GPR39: variants seen among roughly 807,000 people sequenced by gnomAD.
The protein encoded by GPR39 is zinc sensing receptor.
A neutral mutation model predicts 18.4 loss-of-function variants in GPR39; 23 were observed. That is an observed-to-expected ratio of 1.25 (90% CI 0.90 to 1.77). The LOEUF is 1.77. Ranked by LOEUF, GPR39 falls within the 40% of genes most tolerant of loss-of-function variation. The pLI is 0.00. For missense variants in GPR39, 647 were observed against 602.4 expected (o/e 1.07, Z -0.78); for synonymous variants, 280 against 257.9 (o/e 1.09, Z -0.82).
intron 1 of GPR39, 63 bp downstream of exon 1, chr2:132,417,961 A>G: frequency 6.6e-7 from 1 of 1,518,638 alleles, no homozygotes; most frequent in South Asian, 1.3e-5. Context: ...GACCCGTGCC[A>G]CTGCCTGTGG....
intron 1 of GPR39, among the ~76,000 whole-genome samples, chr2:132,474,751 C>A (rs1173652775): frequency 6.6e-6 from 1 of 152,182 alleles, no homozygotes; most frequent in African/African-American, 2.4e-5. Flanking sequence ...CTGGCCTTTG[C>A]CATTTTGGGA....
chr2:132,628,534 G>A (rs1034442887), intron 1 of GPR39, among the ~76,000 whole-genome samples: 7 of 152,150 alleles, frequency 4.6e-5, no homozygotes, highest in South Asian at 2.1e-4. Flanking sequence ...CCCTATCTCC[G>A]TCCAGGCTTT....
intron 1 of GPR39, among the ~76,000 whole-genome samples, chr2:132,436,298 G>T (rs1415038619): frequency 6.6e-6 from 1 of 152,210 alleles, no homozygotes; most frequent in Admixed American, 6.5e-5. Context: ...TTTTGGAAGA[G>T]TGTCATCAAG....
chr2:132,553,402 GTA>G (rs1411789591), intron 1 of GPR39, among the ~76,000 whole-genome samples: 4 of 146,734 alleles, frequency 2.7e-5, no homozygotes, highest in African/African-American at 7.8e-5. Context: ...GTATATATAC[GTA>G]TATATATGTA....
intron 1 of GPR39, among the ~76,000 whole-genome samples, chr2:132,462,422 A>T (rs1045322227): frequency 1.3e-5 from 2 of 152,154 alleles, no homozygotes; most frequent in Admixed American, 6.5e-5. Context: ...TTTGATAAGA[A>T]GGGTTGTTGG....
chr2:132,592,118 A>G (rs1680856306), intron 1 of GPR39, among the ~76,000 whole-genome samples: 1 of 152,236 alleles, frequency 6.6e-6, no homozygotes, highest in Non-Finnish European at 1.5e-5. Context: ...ATAGACAAAA[A>G]TCCCTGTCAT....
At chr2:132,553,347 GTATATATA>G (rs983985487) in intron 1 of GPR39, among the ~76,000 whole-genome samples, 1 of 137,300 alleles carries the variant, frequency 7.3e-6, no homozygotes, top group Non-Finnish European at 1.6e-5. Context: ...ATGTATATGT[GTATATATA>G]TATGTATATA....
intron 1 of GPR39, among the ~76,000 whole-genome samples, chr2:132,609,830 C>T (rs776990250): frequency 2.5e-4 from 38 of 152,176 alleles, no homozygotes; most frequent in Non-Finnish European, 4.6e-4. Context: ...TACCCTTCAA[C>T]CTGGTGTCAG....
At chr2:132,451,906 T>G (rs1469174397) in intron 1 of GPR39, among the ~76,000 whole-genome samples, 1 of 152,188 alleles carries the variant, frequency 6.6e-6, no homozygotes, top group African/African-American at 2.4e-5. Flanking sequence ...TCACTAGGCC[T>G]TTGCTGTTGT....
Position 132,645,093 on chromosome 2 carries a change from C to G in GPR39, c.857-8C>G. 1 of 1,602,842 alleles carries G rather than the reference C, an allele frequency of 6.2e-7. No individual in the cohort carries two copies. Among genetic ancestry groups the G allele is most frequent in the Non-Finnish European group, 8.5e-7 (1 of 1,173,026 alleles). On this transcript the variant is annotated splice_region_variant and splice_polypyrimidine_tract_variant and intron_variant, in intron 1 of 1. Coordinates refer to ENST00000329321, the MANE Select transcript of GPR39 (RefSeq NM_001508.3). The stretch of plus-strand genomic sequence containing the variant: ...CTCTGTCTCTCCCTCCTGCTCGTGT[C>G]TGCCCAGGGCTGATTGTTGTGACAT...
At chr2:132,499,544 A>G (rs1678964300) in intron 1 of GPR39, among the ~76,000 whole-genome samples, 1 of 151,808 alleles carries the variant, frequency 6.6e-6, no homozygotes, top group Non-Finnish European at 1.5e-5. Context: ...TCTTGCTTTG[A>G]CTATGCGGGC....
chr2:132,536,009 C>CAAA (rs56929155), intron 1 of GPR39, among the ~76,000 whole-genome samples: 16,214 of 139,854 alleles, frequency 0.12, 1,769 homozygotes, highest in East Asian at 0.62. Context: ...TTAATTTTTT[C>CAAA]AAAAAAAAAA....
rs913669149 is a variant in GPR39, at chr2:132,555,241, C to T, written c.857-89860C>T. On this transcript the variant is annotated intron_variant, in intron 1 of 1. Transcript: ENST00000329321. ...CTGGGATTACAGGTGTGAGCCTGGC[C>T]TCAACCACTTTTAACACAGAATAGG... Among the ~76,000 whole-genome samples the T allele has an allele frequency of 1.7e-5, 2 of 120,098 alleles. 1 individual carries two copies. Among genetic ancestry groups the T allele is most frequent in the African/African-American group, 6.2e-5 (2 of 32,200 alleles). 78.8% of individuals were successfully genotyped at this position (120,098 alleles called of 152,430 possible). A position where few individuals can be genotyped will look rare whatever the true frequency, so the allele number is the denominator to read the frequency against.
At chr2:132,423,414 A>G (rs560097598) in intron 1 of GPR39, among the ~76,000 whole-genome samples, 1 of 152,282 alleles carries the variant, frequency 6.6e-6, no homozygotes, top group Admixed American at 6.5e-5. Flanking sequence ...CTCCAAATAC[A>G]ATCACACCGG....
chr2:132,486,058 G>A (rs948843885), intron 1 of GPR39, among the ~76,000 whole-genome samples: 6 of 152,184 alleles, frequency 3.9e-5, no homozygotes, highest in Admixed American at 3.3e-4. Context: ...TAATAGGTAT[G>A]AACATTAATC....
chr2:132,492,486 TATAC>T (rs1159958551), intron 1 of GPR39, among the ~76,000 whole-genome samples: 1 of 143,476 alleles, frequency 7.0e-6, no homozygotes, highest in African/African-American at 2.5e-5. Context: ...ACACCATATA[TATAC>T]ACCATATATA....
intron 1 of GPR39, among the ~76,000 whole-genome samples, chr2:132,438,011 G>A (rs1312603240): frequency 1.3e-5 from 2 of 152,198 alleles, no homozygotes; most frequent in East Asian, 3.9e-4. Context: ...AGGTCATGTT[G>A]TCATAACAGT....
chr2:132,445,469 A>G (rs1680518349), intron 1 of GPR39, among the ~76,000 whole-genome samples: 1 of 152,250 alleles, frequency 6.6e-6, no homozygotes, highest in African/African-American at 2.4e-5. Flanking sequence ...AGTTTAATTA[A>G]CACACATACT....
rs369298679 is a variant in GPR39, at chr2:132,467,957, T to C, written c.856+50059T>C. Among the ~76,000 whole-genome samples, 4 of 152,348 alleles carry C rather than the reference T, an allele frequency of 2.6e-5. No individual in the cohort carries two copies. The East Asian group carries it at 5.8e-4, about 22-fold the overall frequency. On this transcript the variant is annotated intron_variant, in intron 1 of 1. Transcript: ENST00000329321. ...TAGCCCTGAGCTAATAAAATCTGGT[T>C]GTTAAATTCCACCCTTTTCTCATTC...
Sources: allele counts gnomAD v4.1 joint callset (sites outside exome capture counted in the v4.1 genomes callset), GRCh38; gene constraint gnomAD v4.1.1; transcripts MANE v1.5; gene names NCBI Gene and HGNC (gene_info 2026-07-23, HGNC 2026-07-21).